BTBD9: variants seen among roughly 807,000 people sequenced by gnomAD.
BTBD9 encodes the protein BTB domain containing 9.
In BTBD9, 49 loss-of-function variants were observed where a neutral mutation model predicts 64.3. That is an observed-to-expected ratio of 0.76 (90% CI 0.61 to 0.97). The LOEUF (loss-of-function observed/expected upper bound fraction) is 0.97, where lower values mean the gene tolerates loss of function less well. BTBD9 is among the 50% of genes least tolerant of loss of function. The pLI is 0.00. For missense variants in BTBD9, 598 were observed against 762.1 expected, an observed-to-expected ratio of 0.78 and a Z score of 2.53; for synonymous variants, 260 against 274.7, an observed-to-expected ratio of 0.95 and a Z score of 0.53.
intron 9 of BTBD9, among the ~76,000 whole-genome samples, chr6:38,199,733 A>G (rs1365342958): frequency 6.6e-6 from 1 of 152,202 alleles, no homozygotes; most frequent in Non-Finnish European, 1.5e-5. Flanking sequence ...AAGGCACAGA[A>G]AGCACTAGTG....
At chr6:38,348,055 A>G (rs1430913830) in intron 6 of BTBD9, among the ~76,000 whole-genome samples, 1 of 152,148 alleles carries the variant, frequency 6.6e-6, no homozygotes, top group Non-Finnish European at 1.5e-5. Flanking sequence ...GCCCTGCTCC[A>G]TGAGCAATGA....
rs1270735261 is a variant in BTBD9, at chr6:38,331,967, AAT to A, written c.1264+13015_1264+13016del. On this transcript the variant is annotated intron_variant, in intron 7 of 10. Coordinates refer to ENST00000481247, the MANE Select transcript of BTBD9 (RefSeq NM_001099272.2). ...TACATATAAAACATTTTTAATGAAAAATATTTGCCAATTAAACAAGCCAAAAA... is the reference window on the plus strand; with the variant it reads ...TACATATAAAACATTTTTAATGAAAAATTTGCCAATTAAACAAGCCAAAAA... Among the ~76,000 whole-genome samples, 8 of 152,330 alleles carry A rather than the reference AAT, an allele frequency of 5.3e-5. No homozygotes were observed. The East Asian group carries it at 1.5e-3, about 29-fold the overall frequency.
chr6:38,232,466 T>C (rs1292546518), intron 9 of BTBD9, among the ~76,000 whole-genome samples: 3 of 151,940 alleles, frequency 2.0e-5, no homozygotes. Context: ...GAGATGGGGT[T>C]TCACTGTGTT....
chr6:38,505,940 G>A (rs1772474855), intron 6 of BTBD9, among the ~76,000 whole-genome samples: 1 of 121,030 alleles, frequency 8.3e-6, no homozygotes, highest in South Asian at 2.8e-4. Flanking sequence ...ATTCCAGCCT[G>A]GCAACAGCAT....
At chr6:38,248,004 G>A (rs1410673959) in intron 9 of BTBD9, among the ~76,000 whole-genome samples, 1 of 151,960 alleles carries the variant, frequency 6.6e-6, no homozygotes, top group Non-Finnish European at 1.5e-5. Flanking sequence ...TCAGAAAAAT[G>A]TTGAAAATTA....
intron 6 of BTBD9, among the ~76,000 whole-genome samples, chr6:38,423,262 C>G (rs1268691335): frequency 6.6e-6 from 1 of 151,692 alleles, no homozygotes; most frequent in Non-Finnish European, 1.5e-5. Flanking sequence ...GAGACTCTGT[C>G]CCCCCCAAAA....
intron 1 of BTBD9, among the ~76,000 whole-genome samples, chr6:38,635,469 T>C (rs1019361987): frequency 6.6e-6 from 1 of 152,174 alleles, no homozygotes; most frequent in African/African-American, 2.4e-5. Flanking sequence ...TTTCAAATTT[T>C]AGAACTACTA....
rs1761415986 is a variant in BTBD9 at position 38,279,418 on chromosome 6, T to C, written c.1454+8854A>G. On this transcript the variant is annotated intron_variant, in intron 8 of 10. Transcript: ENST00000481247. Reference sequence around the variant, plus strand: ...GAATAAGAAGATTTTCAAAGGTAGATCACTGCTTTGAATTAATTCAAGAAT... The same window carrying C: ...GAATAAGAAGATTTTCAAAGGTAGACCACTGCTTTGAATTAATTCAAGAAT... Among the ~76,000 whole-genome samples, 3 of 151,928 alleles carry C rather than the reference T, an allele frequency of 2.0e-5. No homozygotes were observed. The South Asian group carries it at 6.2e-4, about 31-fold the overall frequency.
In BTBD9 at chr6:38,391,096, G is replaced by A. The variant is rs527309702; in HGVS notation, c.1155-46003C>T. Among the ~76,000 whole-genome samples, 6 of 152,290 alleles carry A rather than the reference G, an allele frequency of 3.9e-5. No homozygotes were observed. The South Asian group carries it at 1.2e-3, about 32-fold the overall frequency. ...ACTTCACGTCTTACTCATTCATTCAGTCAGTTTACTCAAATATTTACTGAA... is the reference window on the plus strand; with the variant it reads ...ACTTCACGTCTTACTCATTCATTCAATCAGTTTACTCAAATATTTACTGAA... On this transcript the variant is annotated intron_variant, in intron 6 of 10. Coordinates refer to ENST00000481247, the MANE Select transcript of BTBD9 (RefSeq NM_001099272.2).
At chr6:38,379,252 C>T (rs1008244736) in intron 6 of BTBD9, among the ~76,000 whole-genome samples, 2 of 151,918 alleles carry the variant, frequency 1.3e-5, no homozygotes, top group African/African-American at 4.8e-5. Context: ...GGCTGACTTT[C>T]AAAAAAGAAA....
At chr6:38,368,650 C>A (rs1309093241) in intron 6 of BTBD9, among the ~76,000 whole-genome samples, 2 of 151,984 alleles carry the variant, frequency 1.3e-5, no homozygotes, top group African/African-American at 4.8e-5. Flanking sequence ...TTTTTTGACT[C>A]ATGTATTCCT....
At chr6:38,535,123 G>C (rs1773966327) in intron 6 of BTBD9, among the ~76,000 whole-genome samples, 1 of 152,020 alleles carries the variant, frequency 6.6e-6, no homozygotes, top group Non-Finnish European at 1.5e-5. Flanking sequence ...AAAATCTAAA[G>C]ACTCCATCAA....
At chr6:38,266,498 G>A (rs1189008881) in intron 8 of BTBD9, among the ~76,000 whole-genome samples, 1 of 151,952 alleles carries the variant, frequency 6.6e-6, no homozygotes. Context: ...ACTTGGACCC[G>A]AGAGAAGGGG....
intron 6 of BTBD9, among the ~76,000 whole-genome samples, chr6:38,440,879 T>C (rs1395810700): frequency 6.6e-6 from 1 of 152,224 alleles, no homozygotes; most frequent in African/African-American, 2.4e-5. Context: ...TTGGGTTTTC[T>C]AATACAGCAT....
chr6:38,194,858 G>A (rs1469501165), intron 9 of BTBD9, among the ~76,000 whole-genome samples: 1 of 152,212 alleles, frequency 6.6e-6, no homozygotes, highest in Non-Finnish European at 1.5e-5. Context: ...GGAGGCAGGA[G>A]AGGCAGGGGA....
chr6:38,269,970 C>G lies in BTBD9; in HGVS notation c.1455-13454G>C, dbSNP rs1258370348. Among the ~76,000 whole-genome samples, 4 of 152,134 alleles carry G rather than the reference C, an allele frequency of 2.6e-5. No homozygotes were observed. The East Asian group carries it at 7.7e-4, about 29-fold the overall frequency. Reference sequence around the variant, plus strand: ...GCTACCAGGGTAAACCGTACAGAAACCAGGCTTTCCGGTGATAGACACTGG... The same window carrying G: ...GCTACCAGGGTAAACCGTACAGAAAGCAGGCTTTCCGGTGATAGACACTGG... On this transcript the variant is annotated intron_variant, in intron 8 of 10. Transcript: ENST00000481247.
intron 6 of BTBD9, among the ~76,000 whole-genome samples, chr6:38,462,105 A>G (rs528190517): frequency 6.6e-6 from 1 of 152,254 alleles, no homozygotes; most frequent in East Asian, 1.9e-4. Context: ...CCAGTTTGTA[A>G]CTTATCTTTT....
chr6:38,512,500 G>A (rs1343283725), intron 6 of BTBD9, among the ~76,000 whole-genome samples: 1 of 152,196 alleles, frequency 6.6e-6, no homozygotes, highest in African/African-American at 2.4e-5. Context: ...TAAGGAAAGG[G>A]TGGGAGCTTG....
intron 2 of BTBD9, among the ~76,000 whole-genome samples, chr6:38,595,190 C>T (rs1020667736): frequency 4.6e-5 from 7 of 152,130 alleles, no homozygotes; most frequent in Non-Finnish European, 1.0e-4. Flanking sequence ...ATGTCTACAT[C>T]GGTATTTCTT....
Sources: allele counts gnomAD v4.1 joint callset (sites outside exome capture counted in the v4.1 genomes callset), GRCh38; gene constraint gnomAD v4.1.1; transcripts MANE v1.5; gene names NCBI Gene and HGNC (gene_info 2026-07-23, HGNC 2026-07-21).